DNAH7: variants seen among roughly 807,000 people sequenced by gnomAD.
The protein encoded by DNAH7 is axonemal beta dynein heavy chain 7.
Under a neutral mutation model 444.6 loss-of-function variants are expected in DNAH7, and 397 were observed. That is an observed-to-expected ratio of 0.89 (90% CI 0.82 to 0.97). The LOEUF (loss-of-function observed/expected upper bound fraction) is 0.97, where lower values mean the gene tolerates loss of function less well. DNAH7 is among the 50% of genes least tolerant of loss of function. The pLI, the probability that DNAH7 is intolerant of heterozygous loss-of-function variation, is 0.00. For missense variants in DNAH7, 4,902 were observed against 4,800.8 expected (o/e 1.02, Z -0.62); for synonymous variants, 1,636 against 1,624.4 (o/e 1.01, Z -0.17).
chr2:195,846,813 C>T (rs1699021377), intron 46 of DNAH7, among the ~76,000 whole-genome samples: 1 of 152,092 alleles, frequency 6.6e-6, no homozygotes, highest in South Asian at 2.1e-4. Context: ...CTGGATGCTT[C>T]CTGCCTTCAA....
At chr2:195,854,265 A>G (rs1699566601) in intron 45 of DNAH7, among the ~76,000 whole-genome samples, 1 of 152,210 alleles carries the variant, frequency 6.6e-6, no homozygotes, top group Admixed American at 6.5e-5. Context: ...TTGGAAGAAG[A>G]TGAGATTAAA....
intron 10 of DNAH7, among the ~76,000 whole-genome samples, chr2:196,007,358 A>G (rs1199615052): frequency 6.6e-6 from 1 of 152,224 alleles, no homozygotes; most frequent in East Asian, 1.9e-4. Context: ...TCAGACTACC[A>G]GATATCCATA....
At position 195,841,036 on chromosome 2, in the gene DNAH7, C is replaced by T. The variant is rs1022685389; in HGVS notation, c.8945+3966G>A. On this transcript the variant is annotated intron_variant, in intron 47 of 64. Transcript: ENST00000312428. ...ATACCTGACTTTGAGACTTAATATG[C>T]TTCAATAATCAAAGAAATATGGTAT... Among the ~76,000 whole-genome samples, 10 of 151,802 alleles carry T rather than the reference C, an allele frequency of 6.6e-5. No individual in the cohort carries two copies. The East Asian group carries it at 1.9e-3, about 29-fold the overall frequency.
intron 19 of DNAH7, among the ~76,000 whole-genome samples, chr2:195,954,690 T>C (rs1418364710): frequency 1.3e-5 from 2 of 152,222 alleles, no homozygotes; most frequent in Non-Finnish European, 2.9e-5. Context: ...CCAGCACCTG[T>C]TGTTTCCTGA....
chr2:195,901,370 T>C (rs1034297151), intron 27 of DNAH7: 2 of 152,096 alleles, frequency 1.3e-5, no homozygotes, highest in African/African-American at 4.8e-5. Context: ...CTTCTGAAAA[T>C]ATAAAATAAA....
chr2:195,782,301 C>A (rs1695426818), intron 58 of DNAH7, among the ~76,000 whole-genome samples: 1 of 152,144 alleles, frequency 6.6e-6, no homozygotes, highest in African/African-American at 2.4e-5. Context: ...CGCAAAGAAT[C>A]CCTCTTTAAC....
At chr2:195,751,792 ATTTTATTC>A (rs1693814823) in intron 63 of DNAH7, among the ~76,000 whole-genome samples, 1 of 152,144 alleles carries the variant, frequency 6.6e-6, no homozygotes, top group Admixed American at 6.6e-5. Flanking sequence ...AGGGGTCTGG[ATTTTATTC>A]AAACCACAAA....
Position 195,894,983 on chromosome 2 carries a change from C to G in DNAH7, c.4889G>C (p.Cys1630Ser). The G allele has an allele frequency of 6.2e-7, 1 of 1,602,396 alleles. No individual in the cohort carries two copies. Among genetic ancestry groups the G allele is most frequent in the Non-Finnish European group, 8.5e-7 (1 of 1,173,202 alleles). The part of the protein sequence containing the change: ...RVLAGALNDI[C>S]EKGLMEENKV... The stretch of plus-strand genomic sequence containing the variant: ...CATTAATAATATACTTGCCTTTTCA[C>G]ATATATCATTTAGTGCTCCAGCTAA... The change falls in exon 30 of 65, where the codon TGT (cysteine) becomes TCT (serine). Residue 1630 changes from cysteine (C) to serine (S), a missense_variant. Cys to Ser is a moderately radical substitution (Grantham distance 112). Coordinates refer to ENST00000312428, the MANE Select transcript of DNAH7 (RefSeq NM_018897.3).
intron 15 of DNAH7, 75 bp downstream of exon 15, chr2:195,984,557 T>C: frequency 7.2e-7 from 1 of 1,394,060 alleles, no homozygotes; most frequent in South Asian, 1.2e-5. Flanking sequence ...ACTTTTCGAG[T>C]GATTTGTTAC....
rs181621235 is a variant in DNAH7, at chr2:196,048,643, G to C, written c.142-239C>G. On this transcript the variant is annotated intron_variant, in intron 3 of 64. Coordinates refer to ENST00000312428, the MANE Select transcript of DNAH7 (RefSeq NM_018897.3). ...TGTGAATGCCTGTTACCTAAAACCA[G>C]GGTCTTCATTCTAGAGAGGCTACTC... Among the ~76,000 whole-genome samples, 3 of 152,244 alleles carry C rather than the reference G, an allele frequency of 2.0e-5. No homozygotes were observed. The East Asian group carries it at 5.8e-4, about 29-fold the overall frequency.
At chr2:196,050,847 C>T in intron 3 of DNAH7, among the ~76,000 whole-genome samples, 1 of 152,192 alleles carries the variant, frequency 6.6e-6, no homozygotes, top group Non-Finnish European at 1.5e-5. Flanking sequence ...GAAACTGAGG[C>T]TCAAGAGGTA....
chr2:195,966,892 T>TA (rs1474782442), intron 17 of DNAH7, among the ~76,000 whole-genome samples: 16 of 152,042 alleles, frequency 1.1e-4, no homozygotes, highest in East Asian at 3.8e-4. Flanking sequence ...GCTGTTTTTT[T>TA]TAAAAAAACC....
rs1371026616 is a variant in DNAH7, at chr2:195,790,626, C to A, written c.10717-3455G>T. Among the ~76,000 whole-genome samples the A allele has an allele frequency of 1.4e-4, 22 of 152,142 alleles. 1 individual carries two copies. The highest frequency in any genetic ancestry group is 1.4e-3 in the Admixed American group (22 of 15,280). On this transcript the variant is annotated intron_variant, in intron 57 of 64. Transcript: ENST00000312428. ...TATTCAATAAATGGTACTGGGATAG[C>A]TGGCTAGCCATATGCAGAAGAATGA...
rs755912873 is a variant in DNAH7, at chr2:195,766,167, A to ATTTTTTTTTTTTTTTTTTTTTTTTTTT, written c.11433+5492_11433+5493insAAAAAAAAAAAAAAAAAAAAAAAAAAA. ...GTTCTCGTTTAATTTGTGGGAGCTA[A>ATTTTTTTTTTTTTTTTTTTTTTTTTTT]TTTTTTTTTTTTTTTTTTTTTTTTG... On this transcript the variant is annotated intron_variant, in intron 61 of 64. Coordinates refer to ENST00000312428, the MANE Select transcript of DNAH7 (RefSeq NM_018897.3). Among the ~76,000 whole-genome samples, 172 of 57,326 alleles carry ATTTTTTTTTTTTTTTTTTTTTTTTTTT rather than the reference A, an allele frequency of 3.0e-3. 27 individuals are homozygous for ATTTTTTTTTTTTTTTTTTTTTTTTTTT. The highest frequency in any genetic ancestry group is 4.9e-3 in the Non-Finnish European group (132 of 26,854). The allele number at this position is 57,326 out of a possible 152,430, so 37.6% of individuals were successfully genotyped here. A position where few individuals can be genotyped will look rare whatever the true frequency, so the allele number is the denominator to read the frequency against.
chr2:195,863,299 C>T (rs1044293229), intron 41 of DNAH7, among the ~76,000 whole-genome samples: 1 of 152,186 alleles, frequency 6.6e-6, no homozygotes, highest in Non-Finnish European at 1.5e-5. Flanking sequence ...GTCATAAATG[C>T]TTATCTGTCA....
chr2:195,951,969 CATT>C (rs767101519), intron 19 of DNAH7, among the ~76,000 whole-genome samples: 181 of 152,246 alleles, frequency 1.2e-3, no homozygotes, highest in Admixed American at 4.1e-3. Flanking sequence ...TTGATCCTGT[CATT>C]ATGATGCTAG....
intron 51 of DNAH7, among the ~76,000 whole-genome samples, chr2:195,815,826 C>A (rs1210723997): frequency 6.6e-6 from 1 of 152,038 alleles, no homozygotes; most frequent in Non-Finnish European, 1.5e-5. Flanking sequence ...CATGGTGAAA[C>A]CCTGTCTCTA....
chr2:196,060,091 G>A (rs1698053451), intron 1 of DNAH7, among the ~76,000 whole-genome samples: 1 of 152,056 alleles, frequency 6.6e-6, no homozygotes, highest in Non-Finnish European at 1.5e-5. Flanking sequence ...GGTGGCAGGC[G>A]CCTGTAGTCC....
intron 58 of DNAH7, 49 bp downstream of exon 58, chr2:195,786,961 A>G (rs1167386587): frequency 1.4e-5 from 21 of 1,508,338 alleles, no homozygotes; most frequent in Non-Finnish European, 1.7e-5. Flanking sequence ...CACTTATAAC[A>G]TGATAAAGAG....
Sources: allele counts gnomAD v4.1 joint callset (sites outside exome capture counted in the v4.1 genomes callset), GRCh38; gene constraint gnomAD v4.1.1; transcripts MANE v1.5; gene names NCBI Gene and HGNC (gene_info 2026-07-23, HGNC 2026-07-21).